The following SMAP1 variants were observed in gnomAD, a reference collection of about 807,000 sequenced individuals.
The protein encoded by SMAP1 is small ArfGAP 1.
In SMAP1, 24 loss-of-function variants were observed where a neutral mutation model predicts 58.5. The observed-to-expected ratio is 0.41, with a 90% confidence interval of 0.30 to 0.58. The LOEUF (loss-of-function observed/expected upper bound fraction) is 0.58. SMAP1 is among the 20% of genes least tolerant of loss of function. SMAP1 has a pLI of 0.29. For missense variants in SMAP1, 563 were observed against 566.3 expected (o/e 0.99, Z 0.06); for synonymous variants, 216 against 196.6 (o/e 1.10, Z -0.82).
At chr6:70,768,277 G>A (rs907799448) in intron 3 of SMAP1, among the ~76,000 whole-genome samples, 44 of 152,150 alleles carry the variant, frequency 2.9e-4, no homozygotes, top group African/African-American at 1.1e-3. Context: ...AATGAGTTAG[G>A]GAGGATTCCC....
intron 2 of SMAP1, among the ~76,000 whole-genome samples, chr6:70,742,159 G>T (rs368823750): frequency 6.6e-6 from 1 of 152,144 alleles, no homozygotes; most frequent in Non-Finnish European, 1.5e-5. Context: ...CATTACTTAC[G>T]CAGATTTCTG....
chr6:70,748,531 A>AT (rs1450672249), intron 2 of SMAP1, among the ~76,000 whole-genome samples: 3 of 152,036 alleles, frequency 2.0e-5, no homozygotes, highest in South Asian at 2.1e-4. Context: ...CTTGGATGAG[A>AT]TTTTTTAAAA....
intron 1 of SMAP1, chr6:70,694,168 A>T: frequency 2.8e-6 from 1 of 351,500 alleles, no homozygotes; most frequent in Non-Finnish European, 5.6e-6. Flanking sequence ...CACCACAGCA[A>T]AGTCAGAAAT....
At chr6:70,673,064 A>G (rs1350011976) in intron 1 of SMAP1, among the ~76,000 whole-genome samples, 2 of 152,296 alleles carry the variant, frequency 1.3e-5, no homozygotes, top group Middle Eastern at 3.4e-3. Context: ...GAGGACCTAA[A>G]TTCACACAAT....
intron 3 of SMAP1, 44 bp from the exon 4 acceptor site, chr6:70,773,306 C>T (rs765040456): frequency 6.7e-6 from 8 of 1,199,828 alleles, no homozygotes; most frequent in Non-Finnish European, 7.3e-6. Flanking sequence ...GGGAAGTGTA[C>T]ATATCACTGA....
At chr6:70,772,083 C>T (rs1231627219) in intron 3 of SMAP1, among the ~76,000 whole-genome samples, 5 of 152,154 alleles carry the variant, frequency 3.3e-5, no homozygotes, top group Admixed American at 3.3e-4. Flanking sequence ...GTGAAATAAC[C>T]TGATGTGCAT....
intron 4 of SMAP1, among the ~76,000 whole-genome samples, chr6:70,791,473 C>T (rs991724928): frequency 6.6e-6 from 1 of 152,092 alleles, no homozygotes; most frequent in African/African-American, 2.4e-5. Flanking sequence ...CATTTTAAAT[C>T]ATATATTATT....
At chr6:70,846,009 A>C (rs1347826573) in intron 7 of SMAP1, among the ~76,000 whole-genome samples, 1 of 152,212 alleles carries the variant, frequency 6.6e-6, no homozygotes, top group African/African-American at 2.4e-5. Context: ...AAGAGGAGCC[A>C]GTCCAGGATA....
At chr6:70,707,750 C>T (rs928974239) in intron 1 of SMAP1, among the ~76,000 whole-genome samples, 10 of 152,210 alleles carry the variant, frequency 6.6e-5, no homozygotes, top group South Asian at 2.1e-4. Flanking sequence ...GGACTACAGG[C>T]GCATGCCACC....
intron 6 of SMAP1, among the ~76,000 whole-genome samples, chr6:70,816,791 T>C (rs1769648068): frequency 6.6e-6 from 1 of 152,166 alleles, no homozygotes; most frequent in African/African-American, 2.4e-5. Flanking sequence ...GCCTAAAATA[T>C]TATTTTGCCA....
intron 1 of SMAP1, among the ~76,000 whole-genome samples, chr6:70,704,508 T>C (rs529699744): frequency 2.0e-5 from 3 of 152,340 alleles, no homozygotes; most frequent in Admixed American, 1.3e-4. Flanking sequence ...AAATTGTTCA[T>C]GTTTCAAATA....
intron 6 of SMAP1, among the ~76,000 whole-genome samples, chr6:70,818,009 C>T (rs778095424): frequency 3.3e-5 from 5 of 152,250 alleles, no homozygotes; most frequent in Admixed American, 6.5e-5. Context: ...GCTCAAGAAC[C>T]GTCAGCATCA....
At chr6:70,804,873 G>C (rs568923876) in intron 6 of SMAP1, among the ~76,000 whole-genome samples, 23 of 151,378 alleles carry the variant, frequency 1.5e-4, no homozygotes, top group African/African-American at 5.3e-4. Flanking sequence ...TCTGCTGTTA[G>C]TCTGATGGAC....
At chr6:70,768,780 T>C (rs918116590) in intron 3 of SMAP1, among the ~76,000 whole-genome samples, 23 of 152,226 alleles carry the variant, frequency 1.5e-4, no homozygotes, top group African/African-American at 5.3e-4. Flanking sequence ...AGTTATTTCT[T>C]GCCCTCTGCT....
chr6:70,726,564 A>T (rs1225213274), intron 1 of SMAP1, among the ~76,000 whole-genome samples: 1 of 152,220 alleles, frequency 6.6e-6, no homozygotes, highest in African/African-American at 2.4e-5. Flanking sequence ...TTTGTAAAAA[A>T]TATTTAAGAA....
chr6:70,769,759 G>C (rs1562146976), intron 3 of SMAP1, among the ~76,000 whole-genome samples: 1 of 152,152 alleles, frequency 6.6e-6, no homozygotes, highest in Non-Finnish European at 1.5e-5. Flanking sequence ...TACATTTAAA[G>C]TTAATATTGT....
intron 1 of SMAP1, chr6:70,668,694 A>G: frequency 2.6e-6 from 4 of 1,536,092 alleles, no homozygotes; most frequent in Non-Finnish European, 3.5e-6. Flanking sequence ...GCTTCCTGAA[A>G]AAGAGTATGG....
At chr6:70,815,051 A>G (rs927891021) in intron 6 of SMAP1, among the ~76,000 whole-genome samples, 3 of 152,174 alleles carry the variant, frequency 2.0e-5, no homozygotes, top group African/African-American at 7.2e-5. Flanking sequence ...AGATAATCTT[A>G]GCATTTTATA....
intron 1 of SMAP1, among the ~76,000 whole-genome samples, chr6:70,680,129 A>ACAG (rs1475720299): frequency 4.0e-5 from 6 of 151,476 alleles, no homozygotes; most frequent in African/African-American, 1.5e-4. Context: ...AACAACAACA[A>ACAG]CAACAACAGA....
Sources: allele counts gnomAD v4.1 joint callset (sites outside exome capture counted in the v4.1 genomes callset), GRCh38; gene constraint gnomAD v4.1.1; transcripts MANE v1.5; gene names NCBI Gene and HGNC (gene_info 2026-07-23, HGNC 2026-07-21).